The following TCF20 variants were observed in gnomAD, a reference collection of about 807,000 sequenced individuals.
TCF20 encodes the protein transcription factor 20.
TCF20 carries 3 observed loss-of-function variants against 148.6 expected under a neutral mutation model. That is an observed-to-expected ratio of 0.02 (90% CI 0.01 to 0.05). The LOEUF (loss-of-function observed/expected upper bound fraction) is 0.05, where lower values mean the gene tolerates loss of function less well. Among genes scored for constraint, TCF20 ranks in the 10% least tolerant of loss-of-function variants. TCF20 has a pLI of 1.00. For missense variants in TCF20, 2,350 were observed against 2,429.3 expected, an observed-to-expected ratio of 0.97 and a Z score of 0.69; for synonymous variants, 1,049 against 909.5, an observed-to-expected ratio of 1.15 and a Z score of -2.76.
At chr22:42,202,139 G>C (rs974802777) in intron 2 of TCF20, among the ~76,000 whole-genome samples, 6 of 152,142 alleles carry the variant, frequency 3.9e-5, no homozygotes, top group Admixed American at 3.9e-4. Flanking sequence ...AACACCCCTG[G>C]CAAGATGAGC....
chr22:42,234,085 G>A (rs983627488), intron 1 of TCF20, among the ~76,000 whole-genome samples: 2 of 152,164 alleles, frequency 1.3e-5, no homozygotes, highest in Non-Finnish European at 2.9e-5. Context: ...CAAAACCAGT[G>A]AAACAGACAC....
intron 1 of TCF20, among the ~76,000 whole-genome samples, chr22:42,257,788 G>C (rs1218341197): frequency 1.3e-5 from 2 of 152,236 alleles, no homozygotes; most frequent in African/African-American, 4.8e-5. Flanking sequence ...ACCCCAGCCA[G>C]GCCACCTGTT....
At chr22:42,294,430 G>T (rs564399536) in intron 1 of TCF20, among the ~76,000 whole-genome samples, 11 of 152,282 alleles carry the variant, frequency 7.2e-5, no homozygotes, top group African/African-American at 2.2e-4. Flanking sequence ...CTCCAGGAGC[G>T]GGAGGGAGGC....
At chr22:42,239,540 CA>C (rs1161405628) in intron 1 of TCF20, among the ~76,000 whole-genome samples, 1 of 151,898 alleles carries the variant, frequency 6.6e-6, no homozygotes, top group Non-Finnish European at 1.5e-5. Flanking sequence ...GTAATCCCAG[CA>C]CTTTGGGAGG....
chr22:42,213,218 A>G lies in TCF20; in HGVS notation c.2088T>C (p.Thr696=). Reference sequence around the variant, plus strand: ...GACTTCCAGGAGATTTGCTAGGCTCAGTTCTGCTCGTAAAACCAGGGCCCG... The same window carrying G: ...GACTTCCAGGAGATTTGCTAGGCTCGGTTCTGCTCGTAAAACCAGGGCCCG... ...SAAGPGFTSR[T]EPSKSPGSLR... Residue 696 remains threonine (T), a synonymous_variant, in exon 2 of 6, where the codon ACT becomes ACC. Transcript: ENST00000677622. The G allele has an allele frequency of 1.2e-6, 2 of 1,614,176 alleles. No individual in the cohort carries two copies. The highest frequency in any genetic ancestry group is 1.7e-6 in the Non-Finnish European group (2 of 1,180,038).
upstream of TCF20, among the ~76,000 whole-genome samples, chr22:42,288,712 T>C (rs1249037670): frequency 3.0e-5 from 3 of 101,202 alleles, no homozygotes; most frequent in African/African-American, 1.4e-4. Context: ...TGAGACCCTG[T>C]ATCAAAAAAA....
chr22:42,330,009 GC>G (rs992402926), intron 1 of TCF20, among the ~76,000 whole-genome samples: 13 of 152,182 alleles, frequency 8.5e-5, no homozygotes. Context: ...CTGCCTGTGG[GC>G]CCCTTCCCTT....
At chr22:42,209,539 A>T in intron 2 of TCF20, 112 bp downstream of exon 2, 1 of 1,233,800 alleles carries the variant, frequency 8.1e-7, no homozygotes, top group Non-Finnish European at 1.1e-6. Context: ...ACATGGGCAT[A>T]GGCACTTTAA....
chr22:42,304,595 G>T (rs753844768), intron 1 of TCF20, among the ~76,000 whole-genome samples: 6 of 152,214 alleles, frequency 3.9e-5, no homozygotes, highest in Non-Finnish European at 8.8e-5. Flanking sequence ...GCAAGTCTAC[G>T]TCTGTTGTGC....
chr22:42,182,754 T>G (rs1259662528), intron 2 of TCF20, among the ~76,000 whole-genome samples: 1 of 152,220 alleles, frequency 6.6e-6, no homozygotes, highest in Non-Finnish European at 1.5e-5. Flanking sequence ...GGGTTATTTT[T>G]GAGACAGAGT....
At position 42,207,455 on chromosome 22, in the gene TCF20, C is replaced by G. The variant is rs1938463904; in HGVS notation, c.5655+2196G>C. 1.3e-5 allele frequency among the ~76,000 whole-genome samples: 2 copies of G among 152,112 alleles called. 1 individual carries two copies. The highest frequency in any genetic ancestry group is 4.1e-4 in the South Asian group (2 of 4,828). On this transcript the variant is annotated intron_variant, in intron 2 of 5. Transcript: ENST00000677622. ...TTCTACGGAGAGGACTACAGGCTAGCAAGCCTGGCCCATACTGTAACAGAG... is the reference window on the plus strand; with the variant it reads ...TTCTACGGAGAGGACTACAGGCTAGGAAGCCTGGCCCATACTGTAACAGAG...
intron 1 of TCF20, among the ~76,000 whole-genome samples, chr22:42,233,981 T>C (rs1052546516): frequency 4.6e-5 from 7 of 152,214 alleles, no homozygotes; most frequent in African/African-American, 1.7e-4. Flanking sequence ...TTACTTTCAA[T>C]GCCTCTAGCC....
chr22:42,285,525 C>G (rs1927013000), upstream of TCF20, among the ~76,000 whole-genome samples: 1 of 152,130 alleles, frequency 6.6e-6, no homozygotes, highest in African/African-American at 2.4e-5. The surrounding 1 kb of genome is among the most constrained non-coding windows in gnomAD (Gnocchi z 4.2). Flanking sequence ...ATTCCGCAGC[C>G]CTTCTAGATA....
At chr22:42,196,517 T>C (rs1318491851) in intron 2 of TCF20, among the ~76,000 whole-genome samples, 4 of 152,194 alleles carry the variant, frequency 2.6e-5, no homozygotes, top group South Asian at 4.1e-4. Context: ...CTATCACTTA[T>C]CCTAATGAAT....
chr22:42,177,187 G>A (rs2147085186), intron 3 of TCF20, among the ~76,000 whole-genome samples: 1 of 152,262 alleles, frequency 6.6e-6, no homozygotes, highest in Non-Finnish European at 1.5e-5. Context: ...GGCTGAGGTG[G>A]GTGGATCACC....
At chr22:42,309,734 G>A (rs1329394375) in intron 1 of TCF20, among the ~76,000 whole-genome samples, 1 of 152,178 alleles carries the variant, frequency 6.6e-6, no homozygotes, top group Non-Finnish European at 1.5e-5. Context: ...AAGTGCCTCT[G>A]GACTGCCCTG....
chr22:42,250,467 AAG>A (rs200979396), intron 1 of TCF20, among the ~76,000 whole-genome samples: 21,058 of 144,202 alleles, frequency 0.15, 1,613 homozygotes, highest in East Asian at 0.29. Context: ...AAAAAAAAAA[AAG>A]GTGAACCTTC....
chr22:42,192,962 A>T (rs138892844), intron 2 of TCF20, among the ~76,000 whole-genome samples: 68 of 152,340 alleles, frequency 4.5e-4, no homozygotes, highest in African/African-American at 1.5e-3. Context: ...TGAGTTAAAA[A>T]ACACAGACTG....
intron 1 of TCF20, among the ~76,000 whole-genome samples, chr22:42,242,104 G>A (rs1050844769): frequency 7.4e-5 from 11 of 148,026 alleles, no homozygotes; most frequent in Middle Eastern, 4.0e-3. Flanking sequence ...TCGGGAGGCC[G>A]AGGCAGAAGA....
Sources: allele counts gnomAD v4.1 joint callset (sites outside exome capture counted in the v4.1 genomes callset), GRCh38; gene constraint gnomAD v4.1.1; non-coding constraint Gnocchi (gnomAD v3.1); transcripts MANE v1.5; gene names NCBI Gene and HGNC (gene_info 2026-07-23, HGNC 2026-07-21).